Variants in CADM2 observed in about 807,000 individuals in gnomAD.
CADM2 encodes the protein cell adhesion molecule 2.
A neutral mutation model predicts 49.8 loss-of-function variants in CADM2; 12 were observed. The observed-to-expected ratio is 0.24, with a 90% CI of 0.15 to 0.39. The LOEUF is 0.39. Among genes scored for constraint, CADM2 ranks in the 10% least tolerant of loss-of-function variants. The pLI is 1.00. For synonymous variants in CADM2, 214 were observed against 175.4 expected, an observed-to-expected ratio of 1.22 and a Z score of -1.74; for missense variants, 378 against 492.3, an observed-to-expected ratio of 0.77 and a Z score of 2.20.
At chr3:85,869,364 CAGGA>C (rs920056257) in intron 3 of CADM2, among the ~76,000 whole-genome samples, 3 of 151,846 alleles carry the variant, frequency 2.0e-5, no homozygotes, top group Non-Finnish European at 4.4e-5. Flanking sequence ...TCATTTTTAG[CAGGA>C]AGGTATTTTT....
At chr3:85,028,030 AG>A (rs2034812563) in intron 1 of CADM2, among the ~76,000 whole-genome samples, 1 of 152,146 alleles carries the variant, frequency 6.6e-6, no homozygotes, top group South Asian at 2.1e-4. Flanking sequence ...AACTTTGTAA[AG>A]GGGCAGAGAT....
chr3:85,155,838 C>A (rs1181553127), intron 1 of CADM2, among the ~76,000 whole-genome samples: 2 of 152,190 alleles, frequency 1.3e-5, no homozygotes, highest in African/African-American at 2.4e-5. Flanking sequence ...TCCTGAATGA[C>A]TACTGGGTAC....
intron 3 of CADM2, among the ~76,000 whole-genome samples, chr3:85,865,196 G>A (rs2075678425): frequency 6.6e-6 from 1 of 152,194 alleles, no homozygotes; most frequent in Admixed American, 6.5e-5. Context: ...GCTTACTCCA[G>A]GCCCTGGCTT....
intron 1 of CADM2, among the ~76,000 whole-genome samples, chr3:85,634,424 T>A (rs2064399344): frequency 6.6e-6 from 1 of 152,062 alleles, no homozygotes. Flanking sequence ...ATTTTCTTTT[T>A]GTACCTCCTT....
At chr3:85,961,394 A>C in intron 7 of CADM2, 75 bp from the exon 8 acceptor site, 1 of 1,270,480 alleles carries the variant, frequency 7.9e-7, no homozygotes, top group Non-Finnish European at 1.1e-6. Context: ...AAATATTAAA[A>C]AATTGATTTA....
rs192663542 is a variant in CADM2, at chr3:85,417,351, C to T, written c.62-309171C>T. ...TCTATGCTACTGCTATCACCACCTCCTGAAATGTACCCTGCACACAACTCA... is the reference window on the plus strand; with the variant it reads ...TCTATGCTACTGCTATCACCACCTCTTGAAATGTACCCTGCACACAACTCA... On this transcript the variant is annotated intron_variant, in intron 1 of 9. Coordinates refer to ENST00000383699, the MANE Select transcript of CADM2 (RefSeq NM_001167675.2). 2.7e-3 allele frequency among the ~76,000 whole-genome samples: 406 copies of T among 152,234 alleles called. 1 individual carries two copies. In the Middle Eastern group the frequency reaches 0.041, roughly 15 times the overall value.
At chr3:85,646,471 C>G (rs1345415230) in intron 1 of CADM2, among the ~76,000 whole-genome samples, 1 of 151,920 alleles carries the variant, frequency 6.6e-6, no homozygotes, top group African/African-American at 2.4e-5. Flanking sequence ...TGCAATAGAA[C>G]AAAACTGTGA....
At chr3:85,926,629 G>A (rs530574441) in intron 6 of CADM2, among the ~76,000 whole-genome samples, 6 of 151,892 alleles carry the variant, frequency 4.0e-5, no homozygotes, top group Non-Finnish European at 7.4e-5. Flanking sequence ...CTAAATTTCC[G>A]TTAGTACAAA....
intron 5 of CADM2, among the ~76,000 whole-genome samples, chr3:85,898,932 ATTG>A (rs1349528043): frequency 3.7e-5 from 1 of 27,296 alleles, no homozygotes; most frequent in Admixed American, 4.9e-4. Context: ...CAATTCATTT[ATTG>A]TGTATATATA....
At chr3:85,923,428 T>A (rs1010835490) in intron 6 of CADM2, among the ~76,000 whole-genome samples, 1 of 152,022 alleles carries the variant, frequency 6.6e-6, no homozygotes, top group African/African-American at 2.4e-5. Context: ...CTCTTTGCAT[T>A]TCTCCTCCAA....
At chr3:84,966,148 G>A (rs1446450745) in intron 1 of CADM2, among the ~76,000 whole-genome samples, 3 of 152,070 alleles carry the variant, frequency 2.0e-5, no homozygotes, top group Non-Finnish European at 4.4e-5. Flanking sequence ...ATACGAAACC[G>A]TTTTCATCTT....
intron 8 of CADM2, among the ~76,000 whole-genome samples, chr3:85,979,817 T>C (rs988183088): frequency 1.3e-5 from 2 of 151,620 alleles, no homozygotes; most frequent in African/African-American, 2.4e-5. Context: ...AGTGATTTGC[T>C]GAGTGAAGCT....
chr3:85,965,709 T>C (rs1004941809), intron 8 of CADM2, among the ~76,000 whole-genome samples: 3 of 151,576 alleles, frequency 2.0e-5, no homozygotes, highest in South Asian at 4.2e-4. Flanking sequence ...GTTCAGAAAA[T>C]ATAGGTTGAA....
chr3:85,291,925 T>G (rs2043809657), intron 1 of CADM2, among the ~76,000 whole-genome samples: 1 of 151,386 alleles, frequency 6.6e-6, no homozygotes, highest in African/African-American at 2.4e-5. Context: ...CAGGATCAAA[T>G]TCACACATAA....
intron 1 of CADM2, among the ~76,000 whole-genome samples, chr3:85,049,486 G>A (rs2035798777): frequency 6.6e-6 from 1 of 151,852 alleles, no homozygotes; most frequent in Non-Finnish European, 1.5e-5. Context: ...GAGTAACTGG[G>A]ATTACAGGCT....
rs1003920232 is a variant in CADM2, at chr3:85,961,574, T to C, written c.897T>C (p.Asp299=). 5 of 1,610,706 alleles carry C rather than the reference T, an allele frequency of 3.1e-6. No individual in the cohort carries two copies. Among genetic ancestry groups the C allele is most frequent in the Non-Finnish European group, 4.2e-6 (5 of 1,177,646 alleles). ...ELNILFLNKT[D]NGTYRCEATN... is the part of the protein sequence containing the mutation. ...ACATTCTTTTCCTGAACAAAACGGA[T>C]AATGGTACATATCGATGTGAAGCCA... The change falls in exon 8 of 10, where the codon GAT becomes GAC. Residue 299 remains aspartate (D), a synonymous_variant. Transcript: ENST00000383699.
chr3:85,318,165 G>C (rs549431891), intron 1 of CADM2, among the ~76,000 whole-genome samples: 4 of 140,694 alleles, frequency 2.8e-5, no homozygotes, highest in East Asian at 4.1e-4. Flanking sequence ...GTGAGACCCT[G>C]TCTCAGAAAA....
At chr3:85,396,670 G>A (rs984600475) in intron 1 of CADM2, among the ~76,000 whole-genome samples, 1 of 151,926 alleles carries the variant, frequency 6.6e-6, no homozygotes, top group African/African-American at 2.4e-5. Context: ...AATGGCAAAA[G>A]GACAGTCTGT....
chr3:85,865,245 G>A (rs1333292063), intron 3 of CADM2, among the ~76,000 whole-genome samples: 2 of 152,178 alleles, frequency 1.3e-5, no homozygotes, highest in Non-Finnish European at 2.9e-5. Flanking sequence ...CTGTCTGGGA[G>A]CACTGAAGTC....
Sources: allele counts gnomAD v4.1 joint callset (sites outside exome capture counted in the v4.1 genomes callset), GRCh38; gene constraint gnomAD v4.1.1; transcripts MANE v1.5; gene names NCBI Gene and HGNC (gene_info 2026-07-23, HGNC 2026-07-21).